The following NTSR2 variants were observed in gnomAD, a reference collection of about 807,000 sequenced individuals.
The protein encoded by NTSR2 is neurotensin receptor type 2.
Under a neutral mutation model 24.1 loss-of-function variants are expected in NTSR2, and 22 were observed. The observed-to-expected ratio is 0.91, with a 90% CI of 0.65 to 1.30. The LOEUF is 1.30. Ranked by LOEUF, NTSR2 falls within the 50% of genes most tolerant of loss-of-function variation. The pLI, the probability that NTSR2 is intolerant of heterozygous loss-of-function variation, is 0.00. For missense variants in NTSR2, 570 were observed against 570.4 expected (o/e 1.00, Z 0.01); for synonymous variants, 291 against 267.0 (o/e 1.09, Z -0.88).
chr2:11,668,097 A>G (rs1159673187), intron 1 of NTSR2, among the ~76,000 whole-genome samples: 2 of 152,186 alleles, frequency 1.3e-5, no homozygotes, highest in Non-Finnish European at 2.9e-5. Flanking sequence ...GGCCGTGGAA[A>G]GTCCCTCTCC....
intron 1 of NTSR2, among the ~76,000 whole-genome samples, chr2:11,663,827 T>C (rs1373202555): frequency 6.6e-6 from 1 of 152,116 alleles, no homozygotes; most frequent in East Asian, 1.9e-4. Flanking sequence ...GCTAGTATGC[T>C]CTTTAGAAAT....
chr2:11,669,197 C>T (rs188662979), intron 1 of NTSR2, among the ~76,000 whole-genome samples: 36 of 152,282 alleles, frequency 2.4e-4, no homozygotes, highest in African/African-American at 7.9e-4. Context: ...CTGGGTGGGT[C>T]ATGGACTCCG....
intron 2 of NTSR2, 146 bp from the exon 3 acceptor site, chr2:11,660,279 T>C (rs1196934802): frequency 2.0e-5 from 13 of 642,530 alleles, no homozygotes; most frequent in Admixed American, 4.7e-5. Context: ...GAAGGAGGCT[T>C]TGAGGTTATC....
chr2:11,669,460 G>GGGGGGGGGGCGCCCCCC, intron 1 of NTSR2, 46 bp downstream of exon 1: 1 of 254,726 alleles, frequency 3.9e-6, no homozygotes, highest in Non-Finnish European at 6.9e-6. Flanking sequence ...TCCCAGCACC[G>GGGGGGGGGGCGCCCCCC]CCCCCCCACC....
intron 1 of NTSR2, among the ~76,000 whole-genome samples, chr2:11,668,991 G>C (rs900738359): frequency 4.6e-5 from 7 of 152,130 alleles, no homozygotes; most frequent in African/African-American, 1.7e-4. Flanking sequence ...CAAGAGGTGT[G>C]GGGGGACAAG....
chr2:11,659,214 C>T (rs1661015871), intron 3 of NTSR2, among the ~76,000 whole-genome samples: 1 of 152,212 alleles, frequency 6.6e-6, no homozygotes, highest in Non-Finnish European at 1.5e-5. Context: ...CTCCACCCAG[C>T]CTCTATGATC....
intron 1 of NTSR2, among the ~76,000 whole-genome samples, chr2:11,667,270 C>G (rs1661224764): frequency 1.3e-5 from 2 of 152,208 alleles, no homozygotes; most frequent in Non-Finnish European, 2.9e-5. Context: ...AGAGTTCTGA[C>G]TACACCCCTC....
At position 11,669,939 on chromosome 2, in the gene NTSR2, C is replaced by T; in HGVS notation, c.191G>A (p.Arg64His). 6.6e-7 allele frequency: 1 copy of T among 1,514,110 alleles called. No individual in the cohort carries two copies. 93.8% of individuals were successfully genotyped at this position (1,514,110 alleles called of 1,614,324 possible). A position where few individuals can be genotyped will look rare whatever the true frequency, so the allele number is the denominator to read the frequency against. Reference sequence around the variant, plus strand: ...CACGTGGTGGCGCAGGCGCCCCGCGCGCCCGGCCCGCGCCTTCAGCACCAC... The same window carrying T: ...CACGTGGTGGCGCAGGCGCCCCGCGTGCCCGGCCCGCGCCTTCAGCACCAC... ...AHVVLKARAG[R>H]AGRLRHHVLS... The change falls in exon 1 of 4, where the codon CGC becomes CAC. Residue 64 changes from arginine (R) to histidine (H), a missense_variant. Transcript: ENST00000306928.
intron 1 of NTSR2, chr2:11,665,255 G>C (rs890581501): frequency 6.6e-6 from 1 of 152,226 alleles, no homozygotes; most frequent in African/African-American, 2.4e-5. Flanking sequence ...TGGCTCTTCT[G>C]CTGCAGCTGG....
rs138353900 is a variant in NTSR2, at chr2:11,664,688, T to G, written c.625-2448A>C. 5.2e-3 allele frequency among the ~76,000 whole-genome samples: 798 copies of G among 152,298 alleles called. 4 individuals are homozygous for G. Among genetic ancestry groups the G allele is most frequent in the African/African-American group, 0.018 (755 of 41,550 alleles). On this transcript the variant is annotated intron_variant, in intron 1 of 3. Coordinates refer to ENST00000306928, the MANE Select transcript of NTSR2 (RefSeq NM_012344.4). ...ACAAAGATCAAAATTAAAAATATAT[T>G]TATGCATTAGTAATTAATCTTTGGG...
At chr2:11,663,974 C>G (rs1294301459) in intron 1 of NTSR2, among the ~76,000 whole-genome samples, 1 of 152,104 alleles carries the variant, frequency 6.6e-6, no homozygotes, top group African/African-American at 2.4e-5. Flanking sequence ...ATCATTGATA[C>G]TATGTGACTT....
At position 11,670,084 on chromosome 2, in the gene NTSR2, C is replaced by A. The variant is rs903766769; in HGVS notation, c.46G>T (p.Gly16Trp). Residue 16 changes from glycine to tryptophan, a missense_variant, in exon 1 of 4, where the codon GGG (glycine) becomes TGG (tryptophan). Coordinates refer to ENST00000306928, the MANE Select transcript of NTSR2 (RefSeq NM_012344.4). ...PRPPRPSSNP[G>W]LSLDARLGVD... ...CCCAGCCGGGCGTCCAGGCTCAGCC[C>A]CGGGTTGGAGCTGGGCCGCGGGGGC... is the stretch of plus-strand genomic sequence containing the variant. 3.4e-5 allele frequency: 49 copies of A among 1,444,714 alleles called. No homozygotes were observed. The highest frequency in any genetic ancestry group is 4.2e-5 in the Non-Finnish European group (47 of 1,107,868). The allele number at this position is 1,444,714 out of a possible 1,614,324, so 89.5% of individuals were successfully genotyped here.
chr2:11,670,133 G>A lies in NTSR2; in HGVS notation c.-4C>T, dbSNP rs528446486. The A allele has an allele frequency of 2.9e-5, 40 of 1,368,552 alleles. No homozygotes were observed. The highest frequency in any genetic ancestry group is 3.4e-5 in the Non-Finnish European group (36 of 1,068,556). The allele number at this position is 1,368,552 out of a possible 1,614,324, so 84.8% of individuals were successfully genotyped here. On this transcript the variant is annotated 5_prime_UTR_variant, in exon 1 of 4. Transcript: ENST00000306928. Reference sequence around the variant, plus strand: ...GCCGCGGGCTGCTGGTTTCCATCCCGCTCCCGCGGCCGGCGCTCCCTCCCT... The same window carrying A: ...GCCGCGGGCTGCTGGTTTCCATCCCACTCCCGCGGCCGGCGCTCCCTCCCT...
chr2:11,662,154 G>A lies in NTSR2; in HGVS notation c.711C>T (p.Cys237=), dbSNP rs1262764715. ...GVTVSHLLAL[C]SQVPSTSTPG... The stretch of plus-strand genomic sequence containing the variant: ...GGGTAGAAGTGGACGGCACTTGGGA[G>A]CAGAGGGCCAGCAGGTGGCTCACTG... Residue 237 remains cysteine (C), a synonymous_variant, in exon 2 of 4, where the codon TGC becomes TGT. Coordinates refer to ENST00000306928, the MANE Select transcript of NTSR2 (RefSeq NM_012344.4). 1 of 1,602,190 alleles carries A rather than the reference G, an allele frequency of 6.2e-7. No individual in the cohort carries two copies. Among genetic ancestry groups the A allele is most frequent in the East Asian group, 2.2e-5 (1 of 44,546 alleles).
intron 1 of NTSR2, among the ~76,000 whole-genome samples, chr2:11,668,924 G>C (rs1471852202): frequency 6.6e-6 from 1 of 152,224 alleles, no homozygotes; most frequent in Non-Finnish European, 1.5e-5. Flanking sequence ...AGAAGAATGA[G>C]CTTTTGACTT....
chr2:11,664,199 C>T (rs1354137530), intron 1 of NTSR2, among the ~76,000 whole-genome samples: 1 of 150,572 alleles, frequency 6.6e-6, no homozygotes, highest in Non-Finnish European at 1.5e-5. Context: ...TTACTGCAAC[C>T]TCTGCCTCCT....
At chr2:11,669,460 G>GGGGGGGGGGGGGGGGGGGGGGCCCCCC in intron 1 of NTSR2, 46 bp downstream of exon 1, 1 of 254,726 alleles carries the variant, frequency 3.9e-6, no homozygotes, top group Non-Finnish European at 6.9e-6. Context: ...TCCCAGCACC[G>GGGGGGGGGGGGGGGGGGGGGGCCCCCC]CCCCCCCACC....
intron 2 of NTSR2, among the ~76,000 whole-genome samples, chr2:11,660,415 C>T (rs1174025554): frequency 2.0e-5 from 3 of 152,230 alleles, no homozygotes; most frequent in African/African-American, 7.2e-5. Context: ...CTAGAATATA[C>T]TCCCAACCCA....
Position 11,658,614 on chromosome 2 carries a change from T to C in NTSR2, c.1098A>G (p.Arg366=). 1 of 1,614,188 alleles carries C rather than the reference T, an allele frequency of 6.2e-7. No individual in the cohort carries two copies. Among genetic ancestry groups the C allele is most frequent in the Non-Finnish European group, 8.5e-7 (1 of 1,180,032 alleles). ...LLYNAVSSSF[R]KLFLEAVSSL... Reference sequence around the variant, plus strand: ...AGCTGACGGCTTCCAGGAAGAGTTTTCTGAAGGAGGAGGACACGGCGTTGT... The same window carrying C: ...AGCTGACGGCTTCCAGGAAGAGTTTCCTGAAGGAGGAGGACACGGCGTTGT... The change falls in exon 4 of 4, where the codon AGA becomes AGG. Residue 366 remains arginine (R), a synonymous_variant. Coordinates refer to ENST00000306928, the MANE Select transcript of NTSR2 (RefSeq NM_012344.4).
Sources: allele counts gnomAD v4.1 joint callset (sites outside exome capture counted in the v4.1 genomes callset), GRCh38; gene constraint gnomAD v4.1.1; transcripts MANE v1.5; gene names NCBI Gene and HGNC (gene_info 2026-07-23, HGNC 2026-07-21).